Variants in CAPN14 observed in about 807,000 individuals in gnomAD.
CAPN14 encodes calpain 14, also known as calpain-14.
Under a neutral mutation model 101.3 loss-of-function variants are expected in CAPN14, and 94 were observed. The ratio of observed to expected loss-of-function variants is 0.93; its 90% confidence interval spans 0.79 to 1.10. The LOEUF (loss-of-function observed/expected upper bound fraction) is 1.10. CAPN14 is among the 50% of genes least tolerant of loss of function. The pLI, the probability that CAPN14 is intolerant of heterozygous loss-of-function variation, is 0.00. For missense variants in CAPN14, 837 were observed against 828.4 expected, an observed-to-expected ratio of 1.01 and a Z score of -0.13; for synonymous variants, 338 against 317.9, an observed-to-expected ratio of 1.06 and a Z score of -0.67.
At chr2:31,202,285 T>C in intron 3 of CAPN14, 33 bp from the exon 4 acceptor site, 5 of 1,503,518 alleles carry the variant, frequency 3.3e-6, no homozygotes, top group Non-Finnish European at 4.5e-6. Flanking sequence ...TCTGCATGAA[T>C]CTACTGGGGA....
chr2:31,175,211 C>T (rs1002613385), intron 21 of CAPN14, among the ~76,000 whole-genome samples: 3 of 152,174 alleles, frequency 2.0e-5, no homozygotes, highest in African/African-American at 7.2e-5. Context: ...GAGAAAGCCT[C>T]AGCGTGAAAT....
chr2:31,189,958 G>A (rs1283358488), intron 12 of CAPN14, among the ~76,000 whole-genome samples: 1 of 143,898 alleles, frequency 6.9e-6, no homozygotes, highest in South Asian at 2.2e-4. Context: ...AGATACAGAT[G>A]GACCACGACC....
rs1351269808 is a variant in CAPN14 at position 31,202,260 on chromosome 2, A to G, written c.296-8T>C. ...CCAAGAACCAGCAGTCTCCTAAGTC[A>G]GACAGCACACAGCATCTGCATGAAT... is the stretch of plus-strand genomic sequence containing the variant. On this transcript the variant is annotated splice_polypyrimidine_tract_variant and splice_region_variant and intron_variant, in intron 3 of 21. Transcript: ENST00000403897. 6.5e-7 allele frequency: 1 copy of G among 1,547,330 alleles called. No homozygotes were observed. The highest frequency in any genetic ancestry group is 2.0e-5 in the Admixed American group (1 of 51,000).
At chr2:31,199,721 G>A (rs764418818) in intron 6 of CAPN14, among the ~76,000 whole-genome samples, 189 bp from the exon 7 acceptor site, 9 of 152,174 alleles carry the variant, frequency 5.9e-5, no homozygotes, top group Non-Finnish European at 1.0e-4. Flanking sequence ...CATTAAGTGA[G>A]CCATTCTGCA....
At chr2:31,183,172 T>C (rs998316777) in intron 16 of CAPN14, among the ~76,000 whole-genome samples, 36 of 151,562 alleles carry the variant, frequency 2.4e-4, no homozygotes, top group Non-Finnish European at 3.4e-4. Context: ...TTACACCTTA[T>C]ACAAAAATTA....
intron 8 of CAPN14, among the ~76,000 whole-genome samples, chr2:31,196,449 T>C (rs930719957): frequency 2.0e-5 from 3 of 152,220 alleles, no homozygotes; most frequent in African/African-American, 7.2e-5. Flanking sequence ...TTTACTAATG[T>C]GTAACAAATA....
chr2:31,183,092 T>C (rs11124245), intron 16 of CAPN14, among the ~76,000 whole-genome samples: 62,243 of 151,436 alleles, frequency 0.41, 15,798 homozygotes, highest in East Asian at 0.73. Context: ...GGGAAAGGAT[T>C]TCCTATTTAA....
intron 16 of CAPN14, among the ~76,000 whole-genome samples, chr2:31,186,013 T>A (rs1331440414): frequency 6.6e-6 from 1 of 152,218 alleles, no homozygotes; most frequent in South Asian, 2.1e-4. Context: ...AGAGTTTTGT[T>A]GCTTGATCAA....
chr2:31,193,401 T>C (rs1340072738), intron 9 of CAPN14, 107 bp from the exon 10 acceptor site: 6 of 1,119,390 alleles, frequency 5.4e-6, no homozygotes, highest in East Asian at 2.6e-5. Flanking sequence ...AGCCCTCTCA[T>C]GGACAAAGAC....
At chr2:31,202,835 T>C (rs1482879070) in intron 3 of CAPN14, among the ~76,000 whole-genome samples, 1 of 152,264 alleles carries the variant, frequency 6.6e-6, no homozygotes, top group East Asian at 1.9e-4. Flanking sequence ...TAATGAGGAC[T>C]ATGTGAGGAC....
chr2:31,190,135 T>C (rs1681105736), intron 12 of CAPN14, among the ~76,000 whole-genome samples: 1 of 104,058 alleles, frequency 9.6e-6, no homozygotes, highest in Admixed American at 1.0e-4. Context: ...ATCTGATTCA[T>C]ATTCTCTCTC....
intron 2 of CAPN14, among the ~76,000 whole-genome samples, chr2:31,203,915 G>C (rs1034788385): frequency 1.3e-5 from 2 of 152,162 alleles, no homozygotes; most frequent in African/African-American, 4.8e-5. Context: ...GATTACATTT[G>C]AACACATTAA....
At chr2:31,203,574 T>C (rs1558628243) in intron 2 of CAPN14, among the ~76,000 whole-genome samples, 1 of 152,098 alleles carries the variant, frequency 6.6e-6, no homozygotes, top group South Asian at 2.1e-4. Flanking sequence ...GATGGGGTGG[T>C]AGGGGGGTTG....
intron 14 of CAPN14, 86 bp downstream of exon 14, chr2:31,188,232 C>G: frequency 1.7e-6 from 2 of 1,189,474 alleles, no homozygotes; most frequent in Non-Finnish European, 2.4e-6. Context: ...TATCTCCTCC[C>G]CTGACTCCTT....
At position 31,199,458 on chromosome 2, in the gene CAPN14, A is replaced by G. The variant is rs1482605714; in HGVS notation, c.789+12T>C. The G allele has an allele frequency of 1.3e-6, 2 of 1,551,032 alleles. No individual in the cohort carries two copies. Among genetic ancestry groups the G allele is most frequent in the East Asian group, 2.4e-5 (1 of 40,918 alleles). On this transcript the variant is annotated intron_variant, in intron 7 of 21. Coordinates refer to ENST00000403897, the MANE Select transcript of CAPN14 (RefSeq NM_001145122.2). Reference sequence around the variant, plus strand: ...GGCTGAGAGGGAAACCGAAGGGCCAACCTCAACCCACCTTCCTGATTCCTG... The same window carrying G: ...GGCTGAGAGGGAAACCGAAGGGCCAGCCTCAACCCACCTTCCTGATTCCTG...
chr2:31,227,387 A>G (rs1683055879), intron 1 of CAPN14, among the ~76,000 whole-genome samples: 1 of 143,604 alleles, frequency 7.0e-6, no homozygotes, highest in South Asian at 2.2e-4. Flanking sequence ...CATCAACTAG[A>G]CTCAGACAGA....
chr2:31,228,798 C>T (rs1683101657), intron 1 of CAPN14, among the ~76,000 whole-genome samples: 1 of 152,086 alleles, frequency 6.6e-6, no homozygotes, highest in Admixed American at 6.5e-5. Context: ...TTTCAGAGAC[C>T]AGGGTGCTAA....
Position 31,188,338 on chromosome 2 carries a change from A to G in CAPN14, c.1510T>C (p.Ser504Pro). ...CTCACCTTTGAGAAGACGACACCAG[A>G]ATTGCTGCCAATTTCACTGAGAACA... is the stretch of plus-strand genomic sequence containing the variant. ...KHIFYEIGSNSGVVFSKEIED... is the reference protein window; with the variant it reads ...KHIFYEIGSNPGVVFSKEIED... Residue 504 changes from serine to proline, a missense_variant, in exon 14 of 22, where the codon TCT (serine) becomes CCT (proline). Coordinates refer to ENST00000403897, the MANE Select transcript of CAPN14 (RefSeq NM_001145122.2). 1.3e-6 allele frequency: 2 copies of G among 1,551,632 alleles called. No individual in the cohort carries two copies. The highest frequency in any genetic ancestry group is 1.7e-6 in the Non-Finnish European group (2 of 1,146,946).
intron 1 of CAPN14, among the ~76,000 whole-genome samples, chr2:31,207,317 G>A (rs1682151068): frequency 6.6e-6 from 1 of 152,152 alleles, no homozygotes; most frequent in South Asian, 2.1e-4. Flanking sequence ...TGGACCCATT[G>A]TCTGCCCCAT....
Sources: gnomAD v4.1 joint callset for allele counts (sites outside exome capture counted in the v4.1 genomes callset) on GRCh38, gnomAD v4.1.1 for gene constraint, MANE v1.5 for transcripts, NCBI Gene and HGNC (gene_info 2026-07-23, HGNC 2026-07-21) for gene names.